The following ZBTB46 variants were observed in gnomAD, a reference collection of about 807,000 sequenced individuals.
ZBTB46 encodes zinc finger and BTB domain-containing protein 46.
In ZBTB46, 8 loss-of-function variants were observed where a neutral mutation model predicts 44.1. The observed-to-expected ratio is 0.18, with a 90% CI of 0.11 to 0.33. ZBTB46 has a LOEUF of 0.33. ZBTB46 is among the 10% of genes least tolerant of loss of function. ZBTB46 has a pLI of 1.00. For synonymous variants in ZBTB46, 409 were observed against 382.3 expected (o/e 1.07, Z -0.81); for missense variants, 651 against 847.7 (o/e 0.77, Z 2.88).
At chr20:63,820,337 G>T (rs2092784376) in intron 1 of ZBTB46, among the ~76,000 whole-genome samples, 1 of 151,970 alleles carries the variant, frequency 6.6e-6, no homozygotes. Flanking sequence ...CTGACCTCAT[G>T]ATCCGCCTGC....
chr20:63,816,274 TCAGCTGCCCC>T, intron 1 of ZBTB46: 1 of 220,430 alleles, frequency 4.5e-6, no homozygotes, highest in Non-Finnish European at 9.4e-6. Context: ...GCCGCAACAC[TCAGCTGCCCC>T]TCTTGGCTCC....
At chr20:63,765,088 TGC>T (rs2092308868) in intron 3 of ZBTB46, among the ~76,000 whole-genome samples, 1 of 145,178 alleles carries the variant, frequency 6.9e-6, no homozygotes, top group Non-Finnish European at 1.5e-5. Flanking sequence ...TGTGCATGTG[TGC>T]ATGTGTATGT....
rs548779687 is a variant in ZBTB46 at position 63,750,560 on chromosome 20, T to A, written c.1398+2126A>T. ...GGCTTTCCATATGTTATAAGTACAT[T>A]TTCCAGGGAATTATGACCCCCTGAA... is the stretch of plus-strand genomic sequence containing the variant. On this transcript the variant is annotated intron_variant, in intron 4 of 4. Coordinates refer to ENST00000245663, the MANE Select transcript of ZBTB46 (RefSeq NM_001369741.1). 2.6e-5 allele frequency among the ~76,000 whole-genome samples: 4 copies of A among 152,132 alleles called. No individual in the cohort carries two copies. In the South Asian group the frequency reaches 8.3e-4, roughly 32 times the overall value.
chr20:63,788,450 G>C (rs991327113), intron 2 of ZBTB46: 1 of 152,216 alleles, frequency 6.6e-6, no homozygotes, highest in Admixed American at 6.5e-5. Flanking sequence ...AACCATTCAG[G>C]TGGTGACGTC....
chr20:63,833,387 C>T (rs569109258), upstream of ZBTB46, among the ~76,000 whole-genome samples: 1 of 152,112 alleles, frequency 6.6e-6, no homozygotes, highest in Non-Finnish European at 1.5e-5. Flanking sequence ...GTCAGGAGAT[C>T]GAGACCATCC....
intron 2 of ZBTB46, among the ~76,000 whole-genome samples, chr20:63,782,282 G>A (rs1228749861): frequency 6.6e-6 from 1 of 152,004 alleles, no homozygotes; most frequent in Admixed American, 6.6e-5. Flanking sequence ...AGTCCTGGAT[G>A]AGCCACGTGG....
rs544484906 is a variant in ZBTB46, at chr20:63,799,450, G to A, written c.-33-8660C>T. ...CAATCTCCACCTCCTGGGTTCAAGCGATTCTTGTACCTCAGCCTCCCAGGG... is the reference window on the plus strand; with the variant it reads ...CAATCTCCACCTCCTGGGTTCAAGCAATTCTTGTACCTCAGCCTCCCAGGG... On this transcript the variant is annotated intron_variant, in intron 1 of 4. Coordinates refer to ENST00000245663, the MANE Select transcript of ZBTB46 (RefSeq NM_001369741.1). Among the ~76,000 whole-genome samples, 5 of 151,906 alleles carry A rather than the reference G, an allele frequency of 3.3e-5. No homozygotes were observed. The South Asian group carries it at 8.3e-4, about 25-fold the overall frequency.
chr20:63,754,260 C>G lies in ZBTB46; in HGVS notation c.1223-1399G>C, dbSNP rs576606809. 3.7e-3 allele frequency among the ~76,000 whole-genome samples: 563 copies of G among 152,306 alleles called. 2 individuals carry two copies. Among genetic ancestry groups the G allele is most frequent in the African/African-American group, 0.013 (533 of 41,562 alleles). ...CCTGGCCTGTCCTCTGTCAGCCACA[C>G]TGTGCCCCTGGCTCTCCTCCGTGAG... On this transcript the variant is annotated intron_variant, in intron 3 of 4. Coordinates refer to ENST00000245663, the MANE Select transcript of ZBTB46 (RefSeq NM_001369741.1).
intron 1 of ZBTB46, among the ~76,000 whole-genome samples, chr20:63,827,625 A>C (rs1206861053): frequency 2.7e-5 from 4 of 149,258 alleles, no homozygotes; most frequent in Admixed American, 6.8e-5. Context: ...AAAAAAAAAA[A>C]AACAAAAAAA....
chr20:63,813,274 CCTCGT>C (rs1400644439), intron 1 of ZBTB46, among the ~76,000 whole-genome samples: 1 of 151,442 alleles, frequency 6.6e-6, no homozygotes, highest in African/African-American at 2.4e-5. Flanking sequence ...CATGGTGAAA[CCTCGT>C]CTCTACTAAA....
chr20:63,761,185 G>A (rs932936726), intron 3 of ZBTB46, among the ~76,000 whole-genome samples: 3 of 143,096 alleles, frequency 2.1e-5, no homozygotes, highest in African/African-American at 7.5e-5. Flanking sequence ...TTTTAGTAGA[G>A]ACAGGGTTTC....
In ZBTB46 at chr20:63,806,774, A is replaced by G. The variant is rs370795333; in HGVS notation, c.-33-15984T>C. The stretch of plus-strand genomic sequence containing the variant: ...CAGGCGCCCACCACCACGCCCAGCT[A>G]ATTGTTTTGTTTTGGTTTTTTTTTT... On this transcript the variant is annotated intron_variant, in intron 1 of 4. Coordinates refer to ENST00000245663, the MANE Select transcript of ZBTB46 (RefSeq NM_001369741.1). Among the ~76,000 whole-genome samples, 171 of 151,612 alleles carry G rather than the reference A, an allele frequency of 1.1e-3. 7 individuals are homozygous for G. The South Asian group carries it at 0.034, about 31-fold the overall frequency.
chr20:63,775,903 G>T lies in ZBTB46; in HGVS notation c.997C>A (p.Leu333Ile). 1 of 1,606,796 alleles carries T rather than the reference G, an allele frequency of 6.2e-7. No homozygotes were observed. Residue 333 changes from leucine to isoleucine, a missense_variant, in exon 3 of 5, where the codon CTC becomes ATC. Physicochemically the swap from Leu to Ile is conservative, Grantham distance 5. Coordinates refer to ENST00000245663, the MANE Select transcript of ZBTB46 (RefSeq NM_001369741.1). ...SSDSRGERAE[L>I]YAQVEEGLLG... is the part of the protein sequence containing the mutation. The stretch of plus-strand genomic sequence containing the variant: ...AGACCCTCCTCCACCTGTGCATAGA[G>T]CTCGGCCCTCTCTCCTCGGCTGTCG...
At chr20:63,816,309 T>G (rs4809361) in intron 1 of ZBTB46, 1 of 202,896 alleles carries the variant, frequency 4.9e-6, no homozygotes, top group Non-Finnish European at 1.0e-5. Flanking sequence ...CTGCTCACCC[T>G]CAACATGACT....
At chr20:63,826,339 G>A (rs1309144288) in intron 1 of ZBTB46, among the ~76,000 whole-genome samples, 1 of 152,238 alleles carries the variant, frequency 6.6e-6, no homozygotes, top group Non-Finnish European at 1.5e-5. Flanking sequence ...AAACTGAGAA[G>A]GACTGAGTCG....
rs1052910285 is a variant in ZBTB46 at position 63,767,073 on chromosome 20, G to T, written c.1222+8605C>A. On this transcript the variant is annotated intron_variant, in intron 3 of 4. Coordinates refer to ENST00000245663, the MANE Select transcript of ZBTB46 (RefSeq NM_001369741.1). This position sits in a 1 kb window ranked among gnomAD's most constrained non-coding sequence, Gnocchi z 5.0. ...AACCTAACACGTCCGACGAGGACGGGCAAGGGCACCGCGGGGCGCTCTTTC... is the reference window on the plus strand; with the variant it reads ...AACCTAACACGTCCGACGAGGACGGTCAAGGGCACCGCGGGGCGCTCTTTC... Among the ~76,000 whole-genome samples the T allele has an allele frequency of 5.3e-5, 8 of 152,234 alleles. No homozygotes were observed. The highest frequency in any genetic ancestry group is 3.2e-3 in the Middle Eastern group (1 of 316).
intron 3 of ZBTB46, among the ~76,000 whole-genome samples, chr20:63,772,748 C>T: frequency 1.1e-5 from 1 of 87,178 alleles, no homozygotes; most frequent in East Asian, 2.4e-4. Context: ...CACACACACA[C>T]ACACACACAC....
chr20:63,758,351 C>T (rs1044779973), intron 3 of ZBTB46, among the ~76,000 whole-genome samples: 5 of 151,828 alleles, frequency 3.3e-5, no homozygotes, highest in Admixed American at 1.3e-4. Flanking sequence ...CCCAAACCAG[C>T]TTACCCTGCC....
At chr20:63,818,972 A>C (rs2092776036) in intron 1 of ZBTB46, among the ~76,000 whole-genome samples, 1 of 151,890 alleles carries the variant, frequency 6.6e-6, no homozygotes, top group Non-Finnish European at 1.5e-5. Flanking sequence ...CAGGAGTTCA[A>C]GACCGCCTGA....
Sources: gnomAD v4.1 joint callset for allele counts (sites outside exome capture counted in the v4.1 genomes callset) on GRCh38, gnomAD v4.1.1 for gene constraint, Gnocchi (gnomAD v3.1) non-coding constraint, MANE v1.5 for transcripts, NCBI Gene and HGNC (gene_info 2026-07-23, HGNC 2026-07-21) for gene names.